FSTL4: variants seen among roughly 807,000 people sequenced by gnomAD.
The protein encoded by FSTL4 is follistatin-related protein 4.
A neutral mutation model predicts 78.2 loss-of-function variants in FSTL4; 28 were observed. The observed-to-expected ratio is 0.36, with a 90% CI of 0.27 to 0.49. FSTL4 has a LOEUF of 0.49. FSTL4 is among the 20% of genes least tolerant of loss of function. The pLI is 0.98. For missense variants in FSTL4, 922 were observed against 1,084.9 expected, an observed-to-expected ratio of 0.85 and a Z score of 2.11; for synonymous variants, 422 against 440.5, an observed-to-expected ratio of 0.96 and a Z score of 0.53.
At chr5:133,760,372 A>G in the FSTL4 span, among the ~76,000 whole-genome samples, 1 of 152,178 alleles carries the variant, frequency 6.6e-6, no homozygotes, top group Non-Finnish European at 1.5e-5. Flanking sequence ...CTGGCTACTG[A>G]CTTCCTCATG....
the FSTL4 span, among the ~76,000 whole-genome samples, chr5:133,800,101 T>G: frequency 4.6e-4 from 64 of 139,114 alleles, 11 homozygotes; most frequent in African/African-American, 1.5e-3. Flanking sequence ...CCATATGGGC[T>G]GCAGGAATTC....
the FSTL4 span, among the ~76,000 whole-genome samples, chr5:133,649,426 T>C: frequency 6.6e-6 from 1 of 152,252 alleles, no homozygotes; most frequent in African/African-American, 2.4e-5. Context: ...AAAAAAGATA[T>C]GTTTAGTTTT....
chr5:133,775,889 G>A, the FSTL4 span, among the ~76,000 whole-genome samples: 4 of 152,296 alleles, frequency 2.6e-5, no homozygotes, highest in Admixed American at 2.6e-4. Flanking sequence ...AATGCTCCCA[G>A]TGGGCAGAAT....
At chr5:133,227,580 A>G (rs1751372033) in intron 8 of FSTL4, among the ~76,000 whole-genome samples, 1 of 152,180 alleles carries the variant, frequency 6.6e-6, no homozygotes, top group Non-Finnish European at 1.5e-5. Flanking sequence ...GCATAGAGCC[A>G]CCAGAGTTCT....
At chr5:133,226,114 A>T (rs546821675) in intron 8 of FSTL4, among the ~76,000 whole-genome samples, 2 of 152,356 alleles carry the variant, frequency 1.3e-5, no homozygotes, top group South Asian at 4.1e-4. Context: ...TTCAGCTGCT[A>T]CATGTAAAGA....
At chr5:133,312,457 G>A in intron 6 of FSTL4, 197 bp downstream of exon 6, 1 of 597,484 alleles carries the variant, frequency 1.7e-6, no homozygotes, top group Non-Finnish European at 3.0e-6. Flanking sequence ...AACAGGGCAA[G>A]CCCTCTCTGG....
the FSTL4 span, among the ~76,000 whole-genome samples, chr5:133,807,155 G>A: frequency 6.6e-6 from 1 of 152,224 alleles, no homozygotes; most frequent in South Asian, 2.1e-4. Context: ...GTCAGAAGAG[G>A]AGGCTAGGAA....
At chr5:133,820,089 T>C in the FSTL4 span, among the ~76,000 whole-genome samples, 1 of 152,194 alleles carries the variant, frequency 6.6e-6, no homozygotes, top group African/African-American at 2.4e-5. Context: ...GGTTCTGCAG[T>C]GCCTCGTGTC....
At chr5:133,479,454 AAG>A (rs1757985471) in intron 3 of FSTL4, among the ~76,000 whole-genome samples, 6 of 152,248 alleles carry the variant, frequency 3.9e-5, no homozygotes, top group Non-Finnish European at 5.9e-5. Context: ...GGAAGCAACC[AAG>A]ATGTTCATCA....
the FSTL4 span, among the ~76,000 whole-genome samples, chr5:133,735,210 A>C: frequency 6.6e-6 from 1 of 152,244 alleles, no homozygotes; most frequent in Non-Finnish European, 1.5e-5. Flanking sequence ...CACGCCTGTA[A>C]TCCCAACACT....
At chr5:133,443,713 G>T (rs1168354684) in intron 3 of FSTL4, among the ~76,000 whole-genome samples, 1 of 152,166 alleles carries the variant, frequency 6.6e-6, no homozygotes, top group African/African-American at 2.4e-5. Context: ...TCACTCACTA[G>T]TGGGTCAATT....
At chr5:133,670,143 A>G in the FSTL4 span, among the ~76,000 whole-genome samples, 1 of 152,192 alleles carries the variant, frequency 6.6e-6, no homozygotes, top group African/African-American at 2.4e-5. Flanking sequence ...AGAGAGAGGG[A>G]TATTTGACAT....
At chr5:133,274,313 C>T (rs1162468680) in intron 6 of FSTL4, among the ~76,000 whole-genome samples, 1 of 140,142 alleles carries the variant, frequency 7.1e-6, no homozygotes, top group Non-Finnish European at 1.5e-5. Flanking sequence ...AATCTTAATG[C>T]CCTTCTCTAC....
intron 3 of FSTL4, among the ~76,000 whole-genome samples, chr5:133,433,374 G>C (rs1401368155): frequency 6.6e-6 from 1 of 152,228 alleles, no homozygotes; most frequent in African/African-American, 2.4e-5. Flanking sequence ...ACCCACGCAA[G>C]GGTAGGGCAC....
At chr5:133,434,327 T>G (rs758994363) in intron 3 of FSTL4, among the ~76,000 whole-genome samples, 13 of 152,230 alleles carry the variant, frequency 8.5e-5, no homozygotes, top group Non-Finnish European at 1.9e-4. Context: ...TTACTATATT[T>G]CACCTTAGTC....
At chr5:133,369,984 G>A (rs1244126934) in intron 4 of FSTL4, among the ~76,000 whole-genome samples, 1 of 152,012 alleles carries the variant, frequency 6.6e-6, no homozygotes, top group Non-Finnish European at 1.5e-5. Context: ...GTTGGGGTTG[G>A]TCCTATCTAG....
the FSTL4 span, among the ~76,000 whole-genome samples, chr5:133,832,175 T>C: frequency 6.6e-6 from 1 of 152,258 alleles, no homozygotes; most frequent in South Asian, 2.1e-4. Context: ...TTTCGCCTCC[T>C]GCATTGTTTG....
At chr5:133,513,906 C>T (rs886791567) in intron 3 of FSTL4, among the ~76,000 whole-genome samples, 7 of 152,218 alleles carry the variant, frequency 4.6e-5, no homozygotes, top group African/African-American at 1.7e-4. Flanking sequence ...GGGCCGGGCG[C>T]GGTGGCTCAT....
intron 6 of FSTL4, among the ~76,000 whole-genome samples, chr5:133,296,772 G>T (rs1010176080): frequency 5.3e-5 from 8 of 152,158 alleles, no homozygotes; most frequent in African/African-American, 1.9e-4. Context: ...GTTTATCTGT[G>T]TCTCCTCCCT....
Sources: gnomAD v4.1 joint callset for allele counts (sites outside exome capture counted in the v4.1 genomes callset) on GRCh38, gnomAD v4.1.1 for gene constraint, MANE v1.5 for transcripts, NCBI Gene and HGNC (gene_info 2026-07-23, HGNC 2026-07-21) for gene names.